The following CTNND2 variants were observed in gnomAD, a reference collection of about 807,000 sequenced individuals.
CTNND2 encodes catenin delta 2.
CTNND2 carries 22 observed loss-of-function variants against 144.4 expected under a neutral mutation model. The ratio of observed to expected loss-of-function variants is 0.15; its 90% CI spans 0.11 to 0.22. CTNND2 has a LOEUF of 0.22. CTNND2 is among the 10% of genes least tolerant of loss of function. The pLI is 1.00. For missense variants in CTNND2, 1,353 were observed against 1,618.8 expected, an observed-to-expected ratio of 0.84 and a Z score of 2.82; for synonymous variants, 751 against 695.6, an observed-to-expected ratio of 1.08 and a Z score of -1.25.
intron 2 of CTNND2, among the ~76,000 whole-genome samples, chr5:11,731,785 T>G (rs376111868): frequency 6.6e-5 from 10 of 152,324 alleles, no homozygotes; most frequent in African/African-American, 2.4e-4. Flanking sequence ...GGATATATTT[T>G]AATTTTTCAT....
intron 9 of CTNND2, among the ~76,000 whole-genome samples, chr5:11,257,103 A>G (rs1744332083): frequency 6.6e-6 from 1 of 152,230 alleles, no homozygotes; most frequent in African/African-American, 2.4e-5. Context: ...CTCTAGTCAT[A>G]TTACATAGAC....
intron 18 of CTNND2, among the ~76,000 whole-genome samples, chr5:10,995,590 G>C (rs1739255237): frequency 6.6e-6 from 1 of 152,246 alleles, no homozygotes; most frequent in African/African-American, 2.4e-5. Flanking sequence ...CGGAAATGGA[G>C]AAATGGGCTT....
intron 2 of CTNND2, among the ~76,000 whole-genome samples, chr5:11,658,557 ATTG>A (rs2126559520): frequency 6.6e-6 from 1 of 152,184 alleles, no homozygotes; most frequent in South Asian, 2.1e-4. Flanking sequence ...TGCTATCTGT[ATTG>A]TTGTATTCCG....
chr5:11,899,910 G>T (rs1195757841), intron 1 of CTNND2, among the ~76,000 whole-genome samples: 12 of 152,130 alleles, frequency 7.9e-5, no homozygotes, highest in Non-Finnish European at 5.9e-5. Context: ...GAAGCAGAAT[G>T]CAAAACAGCA....
chr5:11,869,697 A>G (rs1312267386), intron 1 of CTNND2, among the ~76,000 whole-genome samples: 3 of 152,256 alleles, frequency 2.0e-5, no homozygotes, highest in African/African-American at 7.2e-5. Context: ...ACTTACTTCT[A>G]TACTTAAAAA....
chr5:11,760,333 G>A (rs1289688434), intron 1 of CTNND2, among the ~76,000 whole-genome samples: 2 of 152,112 alleles, frequency 1.3e-5, no homozygotes, highest in East Asian at 1.9e-4. Flanking sequence ...AGGAGCCTGG[G>A]ACCCTTCTGC....
intron 6 of CTNND2, among the ~76,000 whole-genome samples, chr5:11,392,566 C>A (rs1759729414): frequency 6.6e-6 from 1 of 152,146 alleles, no homozygotes; most frequent in African/African-American, 2.4e-5. Flanking sequence ...ACCCTCTCTG[C>A]CATGAGAAAC....
intron 16 of CTNND2, among the ~76,000 whole-genome samples, chr5:11,051,293 T>C (rs1745799137): frequency 6.6e-6 from 1 of 152,122 alleles, no homozygotes; most frequent in Non-Finnish European, 1.5e-5. Context: ...TAGAAGAGAA[T>C]TTTGGGTGGG....
rs111753524 is a variant in CTNND2 at position 11,649,722 on chromosome 5, G to A, written c.174+82414C>T. 2.6e-3 allele frequency among the ~76,000 whole-genome samples: 401 copies of A among 152,196 alleles called. 3 individuals carry two copies. Among genetic ancestry groups the A allele is most frequent in the Middle Eastern group, 6.8e-3 (2 of 294 alleles). ...TACTGTCTTCTTGTTCAATATTGCGGTTACTGTTTTATCCAATCATTTATG... is the reference window on the plus strand; with the variant it reads ...TACTGTCTTCTTGTTCAATATTGCGATTACTGTTTTATCCAATCATTTATG... On this transcript the variant is annotated intron_variant, in intron 2 of 21. Transcript: ENST00000304623.
chr5:11,762,696 G>A (rs192360887), intron 1 of CTNND2, among the ~76,000 whole-genome samples: 289 of 152,130 alleles, frequency 1.9e-3, no homozygotes, highest in African/African-American at 6.6e-3. Flanking sequence ...TAAGTTTATC[G>A]TCCTGGAGTT....
intron 3 of CTNND2, among the ~76,000 whole-genome samples, chr5:11,493,825 T>G (rs1408865453): frequency 6.6e-6 from 1 of 152,192 alleles, no homozygotes; most frequent in Non-Finnish European, 1.5e-5. Context: ...TAAGAAAAAT[T>G]TTGAATTTGG....
chr5:11,729,101 T>C (rs1581786992), intron 2 of CTNND2, among the ~76,000 whole-genome samples: 1 of 151,882 alleles, frequency 6.6e-6, no homozygotes. Context: ...GGGACCTAAT[T>C]CCCAGCTTCT....
At chr5:11,228,307 T>G (rs1740584901) in intron 10 of CTNND2, among the ~76,000 whole-genome samples, 1 of 130,060 alleles carries the variant, frequency 7.7e-6, no homozygotes, top group Non-Finnish European at 1.5e-5. Flanking sequence ...ATCGTGCCAC[T>G]GCACTCCAGC....
chr5:11,018,216 G>C (rs1169459499), intron 17 of CTNND2, among the ~76,000 whole-genome samples, 158 bp from the exon 18 acceptor site: 1 of 152,070 alleles, frequency 6.6e-6, no homozygotes, highest in Non-Finnish European at 1.5e-5. Flanking sequence ...TTGTTTTGGA[G>C]CACCACGAAC....
intron 16 of CTNND2, among the ~76,000 whole-genome samples, chr5:11,036,540 C>G (rs1470616268): frequency 6.6e-6 from 1 of 152,144 alleles, no homozygotes; most frequent in African/African-American, 2.4e-5. Flanking sequence ...CCTGCCTCAT[C>G]CTCCCAAGTA....
At position 11,153,347 on chromosome 5, in the gene CTNND2, C is replaced by T. The variant is rs755344407; in HGVS notation, c.2159+6229G>A. 2.5e-4 allele frequency among the ~76,000 whole-genome samples: 38 copies of T among 152,164 alleles called. 1 individual carries two copies. The highest frequency in any genetic ancestry group is 1.3e-4 in the Non-Finnish European group (9 of 68,018). On this transcript the variant is annotated intron_variant, in intron 12 of 21. Coordinates refer to ENST00000304623, the MANE Select transcript of CTNND2 (RefSeq NM_001332.4). ...GACTGGGATGAGCTAGTTTGGGGCT[C>T]ATGATACAACACTTTAAAAACACTT... is the stretch of plus-strand genomic sequence containing the variant.
At chr5:11,566,878 ACT>A (rs1239060980) in intron 2 of CTNND2, among the ~76,000 whole-genome samples, 1 of 151,454 alleles carries the variant, frequency 6.6e-6, no homozygotes, top group Non-Finnish European at 1.5e-5. Context: ...ATTTTCCAAG[ACT>A]CTTCATCCAT....
chr5:11,396,998 G>A (rs1461334304), intron 6 of CTNND2, 33 bp downstream of exon 6: 1 of 1,574,978 alleles, frequency 6.3e-7, no homozygotes, highest in Non-Finnish European at 8.7e-7. Context: ...TCCCCTTGGA[G>A]TCCACTGACA....
At chr5:11,067,632 T>C (rs10454920) in intron 16 of CTNND2, among the ~76,000 whole-genome samples, 32 of 152,240 alleles carry the variant, frequency 2.1e-4, no homozygotes, top group African/African-American at 7.0e-4. Flanking sequence ...GTGAGAAACT[T>C]AGACACCTTG....
Sources: gnomAD v4.1 joint callset for allele counts (sites outside exome capture counted in the v4.1 genomes callset) on GRCh38, gnomAD v4.1.1 for gene constraint, MANE v1.5 for transcripts, NCBI Gene and HGNC (gene_info 2026-07-23, HGNC 2026-07-21) for gene names.